Variants in LRP1B observed in about 807,000 individuals in gnomAD.
The protein encoded by LRP1B is LDL receptor related protein 1B, also known as low-density lipoprotein receptor-related protein 1B.
LRP1B carries 217 observed loss-of-function variants against 556.6 expected under a neutral mutation model. The ratio of observed to expected loss-of-function variants is 0.39; its 90% CI spans 0.35 to 0.44. The LOEUF (loss-of-function observed/expected upper bound fraction) is 0.44, where lower values mean the gene tolerates loss of function less well. Ranked by LOEUF, LRP1B falls within the 20% of genes least tolerant of loss-of-function variation. The pLI, the probability that LRP1B is intolerant of heterozygous loss-of-function variation, is 1.00. For synonymous variants in LRP1B, 2,047 were observed against 1,865.8 expected (o/e 1.10, Z -2.50); for missense variants, 5,053 against 5,620.8 (o/e 0.90, Z 3.23).
chr2:141,112,068 AAAT>A (rs1292674347), intron 7 of LRP1B, among the ~76,000 whole-genome samples: 17 of 107,486 alleles, frequency 1.6e-4, no homozygotes, highest in African/African-American at 2.3e-4. Flanking sequence ...ATAAATAAAT[AAAT>A]AATAAATAAA....
intron 83 of LRP1B, among the ~76,000 whole-genome samples, chr2:140,305,327 T>C (rs2105016212): frequency 6.6e-6 from 1 of 152,296 alleles, no homozygotes; most frequent in South Asian, 2.1e-4. Context: ...CCTCTTTTAT[T>C]TTGTTGAGCA....
At chr2:141,179,824 T>C (rs1174916858) in intron 7 of LRP1B, among the ~76,000 whole-genome samples, 1 of 150,662 alleles carries the variant, frequency 6.6e-6, no homozygotes, top group Non-Finnish European at 1.5e-5. Flanking sequence ...TTTGGTTCAA[T>C]ATCCTGCAAG....
intron 41 of LRP1B, among the ~76,000 whole-genome samples, chr2:140,650,476 G>A (rs12151420): frequency 0.5 from 76,488 of 151,546 alleles, 21,849 homozygotes; most frequent in Non-Finnish European, 0.65. Context: ...AGCCTCCCAA[G>A]TACCTGGGAT....
chr2:140,624,619 G>T (rs1183202849), intron 41 of LRP1B, among the ~76,000 whole-genome samples: 1 of 152,142 alleles, frequency 6.6e-6, no homozygotes, highest in African/African-American at 2.4e-5. Context: ...AGGAGATCAA[G>T]CTGCAGTGAG....
At position 140,383,825 on chromosome 2, in the gene LRP1B, A is replaced by G. The variant is rs143646700; in HGVS notation, c.10531+2068T>C. On this transcript the variant is annotated intron_variant, in intron 67 of 90. Transcript: ENST00000389484. Reference sequence around the variant, plus strand: ...GACAAGCTCAGAGTGAACAGAAACTAAAAGAGAACCACACATAATTGGGTA... The same window carrying G: ...GACAAGCTCAGAGTGAACAGAAACTGAAAGAGAACCACACATAATTGGGTA... 2.1e-3 allele frequency among the ~76,000 whole-genome samples: 327 copies of G among 152,300 alleles called. 1 individual carries two copies. Among genetic ancestry groups the G allele is most frequent in the African/African-American group, 7.6e-3 (316 of 41,574 alleles).
intron 3 of LRP1B, among the ~76,000 whole-genome samples, chr2:141,386,326 A>C (rs935521566): frequency 1.3e-5 from 2 of 152,190 alleles, no homozygotes; most frequent in African/African-American, 4.8e-5. Context: ...ATACATACAG[A>C]AAACAAGTTA....
At chr2:142,014,820 G>A (rs1022304765) in intron 1 of LRP1B, among the ~76,000 whole-genome samples, 3 of 151,978 alleles carry the variant, frequency 2.0e-5, no homozygotes, top group African/African-American at 2.4e-5. Flanking sequence ...AGGAACAAGA[G>A]GTAAATCAGC....
At position 140,326,269 on chromosome 2, in the gene LRP1B, T is replaced by C. The variant is rs16843785; in HGVS notation, c.12224-391A>G. On this transcript the variant is annotated intron_variant, in intron 79 of 90. Transcript: ENST00000389484. Reference sequence around the variant, plus strand: ...ATTATTTAAATCATTTATCGGACCATTATTTAAAATGAATTAGTATATGTA... The same window carrying C: ...ATTATTTAAATCATTTATCGGACCACTATTTAAAATGAATTAGTATATGTA... Among the ~76,000 whole-genome samples the C allele has an allele frequency of 8.7e-3, 1,325 of 152,264 alleles. 58 individuals carry two copies. The East Asian group carries it at 0.14, about 16-fold the overall frequency.
intron 1 of LRP1B, among the ~76,000 whole-genome samples, chr2:141,962,700 A>T (rs1054929801): frequency 2.6e-5 from 4 of 151,856 alleles, no homozygotes; most frequent in African/African-American, 7.2e-5. Context: ...CCACATAAAG[A>T]TTAGCTGTAA....
intron 66 of LRP1B, among the ~76,000 whole-genome samples, chr2:140,409,330 A>C (rs1684876025): frequency 6.6e-6 from 1 of 151,996 alleles, no homozygotes; most frequent in South Asian, 2.1e-4. Flanking sequence ...AAGCAAATTT[A>C]TCTTTGAAAA....
intron 32 of LRP1B, among the ~76,000 whole-genome samples, chr2:140,794,516 CACAT>C (rs1690234015): frequency 7.5e-6 from 1 of 132,790 alleles, no homozygotes; most frequent in African/African-American, 2.7e-5. Flanking sequence ...CACACACACA[CACAT>C]ATTTCAAGGG....
chr2:140,430,598 C>T (rs1208449786), intron 66 of LRP1B, among the ~76,000 whole-genome samples: 2 of 152,204 alleles, frequency 1.3e-5, no homozygotes, highest in Non-Finnish European at 2.9e-5. Context: ...TCACTCCCAC[C>T]TATTCCCCTG....
intron 16 of LRP1B, among the ~76,000 whole-genome samples, chr2:140,990,190 C>A (rs1029471972): frequency 9.4e-5 from 12 of 127,246 alleles, no homozygotes; most frequent in Non-Finnish European, 1.8e-4. Flanking sequence ...AAGCGAAACT[C>A]CATCTCAAAA....
At chr2:141,885,651 G>A (rs1370736647) in intron 1 of LRP1B, among the ~76,000 whole-genome samples, 3 of 152,176 alleles carry the variant, frequency 2.0e-5, no homozygotes, top group Non-Finnish European at 4.4e-5. Context: ...TCAAGTGACA[G>A]GTCTGCAACC....
At chr2:140,627,344 A>G (rs1683699988) in intron 41 of LRP1B, among the ~76,000 whole-genome samples, 1 of 152,186 alleles carries the variant, frequency 6.6e-6, no homozygotes, top group Non-Finnish European at 1.5e-5. Flanking sequence ...TGGAGAGGAT[A>G]AAAGCAGGCA....
chr2:141,254,383 G>A (rs1374525955), intron 4 of LRP1B, 139 bp downstream of exon 4: 1 of 781,204 alleles, frequency 1.3e-6, no homozygotes. Flanking sequence ...TTGTTGGGGG[G>A]GCAACTTTTA....
intron 11 of LRP1B, among the ~76,000 whole-genome samples, chr2:141,041,828 T>TAG (rs397721908): frequency 6.6e-6 from 1 of 151,784 alleles, no homozygotes; most frequent in Non-Finnish European, 1.5e-5. Context: ...CATGTATGTA[T>TAG]GTACAAATAT....
intron 35 of LRP1B, among the ~76,000 whole-genome samples, chr2:140,748,591 G>GTATATATATA (rs70988428): frequency 2.6e-3 from 188 of 73,306 alleles, no homozygotes; most frequent in East Asian, 0.013. Flanking sequence ...TATACAGTGT[G>GTATATATATA]TATATATATA....
intron 1 of LRP1B, among the ~76,000 whole-genome samples, chr2:141,824,342 T>G (rs1392752937): frequency 6.6e-6 from 1 of 152,184 alleles, no homozygotes; most frequent in Admixed American, 6.5e-5. Context: ...TAAAAACACA[T>G]CTGTCAAAAA....
Sources: gnomAD v4.1 joint callset for allele counts (sites outside exome capture counted in the v4.1 genomes callset) on GRCh38, gnomAD v4.1.1 for gene constraint, MANE v1.5 for transcripts, NCBI Gene and HGNC (gene_info 2026-07-23, HGNC 2026-07-21) for gene names.